Variants in CNIH3 observed in about 807,000 individuals in gnomAD.
CNIH3 encodes cornichon family AMPA receptor auxiliary protein 3.
Under a neutral mutation model 24.1 loss-of-function variants are expected in CNIH3, and 14 were observed. The ratio of observed to expected loss-of-function variants is 0.58; its 90% CI spans 0.38 to 0.91. The LOEUF is 0.91. Ranked by LOEUF, CNIH3 falls within the 40% of genes least tolerant of loss-of-function variation. The pLI, the probability that CNIH3 is intolerant of heterozygous loss-of-function variation, is 0.00. For missense variants in CNIH3, 178 were observed against 196.8 expected (o/e 0.90, Z 0.57); for synonymous variants, 68 against 73.8 (o/e 0.92, Z 0.40).
At chr1:224,550,062 A>G (rs1178401729) in intron 3 of CNIH3, among the ~76,000 whole-genome samples, 1 of 152,176 alleles carries the variant, frequency 6.6e-6, no homozygotes, top group African/African-American at 2.4e-5. Context: ...TATAATATCT[A>G]CAGTTGTTAA....
chr1:224,581,091 G>GT (rs938048950), intron 4 of CNIH3, among the ~76,000 whole-genome samples: 2 of 152,240 alleles, frequency 1.3e-5, no homozygotes, highest in Middle Eastern at 3.4e-3. Flanking sequence ...TGTTTTCTTT[G>GT]TTTTTTTGTA....
At chr1:224,724,069 T>G (rs1025678196) in intron 3 of CNIH3, among the ~76,000 whole-genome samples, 1 of 152,202 alleles carries the variant, frequency 6.6e-6, no homozygotes, top group African/African-American at 2.4e-5. Context: ...TTAAAAAATT[T>G]TAAATAAGAT....
chr1:224,697,221 G>A (rs936860701), intron 3 of CNIH3, among the ~76,000 whole-genome samples: 1 of 152,220 alleles, frequency 6.6e-6, no homozygotes, highest in African/African-American at 2.4e-5. Flanking sequence ...GCATTGTAGT[G>A]GACCTAGTTA....
intron 1 of CNIH3, among the ~76,000 whole-genome samples, chr1:224,486,002 T>A (rs1434840886): frequency 6.6e-6 from 1 of 152,094 alleles, no homozygotes; most frequent in African/African-American, 2.4e-5. Flanking sequence ...ACGCTTTCCC[T>A]TTGAGGTGGT....
At chr1:224,513,139 G>T (rs1572391509), upstream of CNIH3, among the ~76,000 whole-genome samples, 1 of 152,046 alleles carries the variant, frequency 6.6e-6, no homozygotes, top group South Asian at 2.1e-4. Context: ...GTGTCCCTTT[G>T]TATAATTTAC....
At chr1:224,671,331 C>G (rs1285665433) in intron 1 of CNIH3, among the ~76,000 whole-genome samples, 1 of 152,204 alleles carries the variant, frequency 6.6e-6, no homozygotes, top group Non-Finnish European at 1.5e-5. Context: ...CTCCTAGACT[C>G]TTGGTCATAC....
At chr1:224,564,182 T>G (rs760114582) in intron 3 of CNIH3, among the ~76,000 whole-genome samples, 1 of 152,230 alleles carries the variant, frequency 6.6e-6, no homozygotes, top group Non-Finnish European at 1.5e-5. Context: ...CTTTTCTAAA[T>G]AAGCAGGCTT....
At chr1:224,592,966 A>G (rs1681822907), downstream of CNIH3, among the ~76,000 whole-genome samples, 1 of 152,060 alleles carries the variant, frequency 6.6e-6, no homozygotes, top group Non-Finnish European at 1.5e-5. Context: ...TAATAATAGG[A>G]AAATCACTTA....
At chr1:224,630,132 C>G (rs533542390) in intron 1 of CNIH3, among the ~76,000 whole-genome samples, 5 of 152,062 alleles carry the variant, frequency 3.3e-5, no homozygotes, top group Non-Finnish European at 7.4e-5. Context: ...TTTGGCTTTG[C>G]GAGAACTGAG....
At chr1:224,499,311 C>T (rs1677561811) in intron 1 of CNIH3, among the ~76,000 whole-genome samples, 1 of 152,130 alleles carries the variant, frequency 6.6e-6, no homozygotes, top group Non-Finnish European at 1.5e-5. Flanking sequence ...GGGTGAAGGG[C>T]AGGCCATTGG....
chr1:224,644,758 CA>C (rs1448456889), intron 1 of CNIH3, among the ~76,000 whole-genome samples: 1 of 152,206 alleles, frequency 6.6e-6, no homozygotes, highest in Non-Finnish European at 1.5e-5. Flanking sequence ...TGAGGTTTTG[CA>C]CACTGGTGGT....
At chr1:224,716,011 T>G (rs898118423) in intron 3 of CNIH3, among the ~76,000 whole-genome samples, 9 of 152,208 alleles carry the variant, frequency 5.9e-5, no homozygotes, top group African/African-American at 2.2e-4. Context: ...CAGTAAATCA[T>G]TCACACTAAT....
chr1:224,725,311 T>C (rs1397398181), intron 3 of CNIH3, among the ~76,000 whole-genome samples: 1 of 152,234 alleles, frequency 6.6e-6, no homozygotes, highest in Non-Finnish European at 1.5e-5. Context: ...TCATTCATAG[T>C]ACATCCTGTG....
At chr1:224,492,817 T>TAC (rs1266613045) in intron 1 of CNIH3, among the ~76,000 whole-genome samples, 1 of 152,224 alleles carries the variant, frequency 6.6e-6, no homozygotes, top group Non-Finnish European at 1.5e-5. Context: ...GTCTACCTGT[T>TAC]ACAGTTTTTA....
At chr1:224,587,899 C>G (rs899042377) in intron 5 of CNIH3, among the ~76,000 whole-genome samples, 1 of 151,750 alleles carries the variant, frequency 6.6e-6, no homozygotes, top group Admixed American at 6.6e-5. Flanking sequence ...TGTGATTGCA[C>G]CATTGTACTT....
rs192401831 is a variant in CNIH3 at position 224,455,685 on chromosome 1, A to G, written n.203+20823A>G. 3.1e-3 allele frequency among the ~76,000 whole-genome samples: 474 copies of G among 152,330 alleles called. 5 individuals carry two copies. Among genetic ancestry groups the G allele is most frequent in the African/African-American group, 0.011 (455 of 41,580 alleles). On this transcript the variant is annotated intron_variant and non_coding_transcript_variant, in intron 1 of 5. Transcript: ENST00000471578. ...AGGAAGGGGATATAATAGGAATAGC[A>G]TTATGAGAGGTTCTTTCTGTTCTGT...
Position 224,711,800 on chromosome 1 carries a change from A to C in CNIH3, c.199-18662A>C, listed in dbSNP as rs1221316841. 3.4e-3 allele frequency among the ~76,000 whole-genome samples: 516 copies of C among 150,810 alleles called. 2 individuals are homozygous for C. Among genetic ancestry groups the C allele is most frequent in the East Asian group, 0.023 (116 of 5,094 alleles). ...ACAGAGCCAGACCCTGTCTCAAAAA[A>C]AAAAAAAAAAAAAAAAAAGAACCAG... is the stretch of plus-strand genomic sequence containing the variant. On this transcript the variant is annotated intron_variant, in intron 3 of 5. Transcript: ENST00000272133.
intron 3 of CNIH3, among the ~76,000 whole-genome samples, chr1:224,603,120 T>A (rs375080448): frequency 6.6e-6 from 1 of 152,112 alleles, no homozygotes; most frequent in Non-Finnish European, 1.5e-5. Context: ...TGAATCCACA[T>A]GTTGCAAAAG....
At chr1:224,499,914 AG>A (rs1381650911) in intron 1 of CNIH3, among the ~76,000 whole-genome samples, 1 of 151,650 alleles carries the variant, frequency 6.6e-6, no homozygotes, top group Non-Finnish European at 1.5e-5. Context: ...AAAAAAAAAA[AG>A]AAAAAAGAAA....
Sources: gnomAD v4.1 joint callset for allele counts (sites outside exome capture counted in the v4.1 genomes callset) on GRCh38, gnomAD v4.1.1 for gene constraint, MANE v1.5 for transcripts, NCBI Gene and HGNC (gene_info 2026-07-23, HGNC 2026-07-21) for gene names.